The following SERINC5 variants were observed in gnomAD, a reference collection of about 807,000 sequenced individuals.
SERINC5 encodes chromosome 5 open reading frame 12.
A neutral mutation model predicts 63.1 loss-of-function variants in SERINC5; 41 were observed. The observed-to-expected ratio is 0.65, with a 90% CI of 0.51 to 0.84. The LOEUF is 0.84. Among genes scored for constraint, SERINC5 ranks in the 40% least tolerant of loss-of-function variants. SERINC5 has a pLI of 0.00. For synonymous variants in SERINC5, 222 were observed against 215.2 expected, an observed-to-expected ratio of 1.03 and a Z score of -0.28; for missense variants, 523 against 573.0, an observed-to-expected ratio of 0.91 and a Z score of 0.89.
At chr5:80,207,775 A>G (rs1289957318) in intron 1 of SERINC5, among the ~76,000 whole-genome samples, 2 of 152,280 alleles carry the variant, frequency 1.3e-5, no homozygotes, top group African/African-American at 4.8e-5. Context: ...GTGATTTATC[A>G]AAGTAAACTA....
At chr5:80,161,019 T>C (rs923464570) in intron 7 of SERINC5, among the ~76,000 whole-genome samples, 2 of 137,752 alleles carry the variant, frequency 1.5e-5, no homozygotes. Flanking sequence ...TATATACGTG[T>C]ATATATATAC....
chr5:80,174,972 T>C lies in SERINC5; in HGVS notation c.533A>G (p.His178Arg), dbSNP rs1238272749. 3.7e-6 allele frequency: 6 copies of C among 1,600,890 alleles called. No homozygotes were observed. Among genetic ancestry groups the C allele is most frequent in the East Asian group, 2.3e-5 (1 of 44,330 alleles). Residue 178 changes from histidine to arginine, a missense_variant, in exon 5 of 12, where the codon CAT becomes CGT. Transcript: ENST00000507668. The stretch of plus-strand genomic sequence containing the variant: ...CACACACCAGTTCTTGTTCCACTTA[T>C]GTGCAAACTCCACGAGCAGGAGGAG... The part of the protein sequence containing the change: ...IQLLLLVEFA[H>R]KWNKNWTAGT...
At chr5:80,170,653 A>G (rs1747588757) in intron 5 of SERINC5, among the ~76,000 whole-genome samples, 1 of 152,194 alleles carries the variant, frequency 6.6e-6, no homozygotes, top group Non-Finnish European at 1.5e-5. Context: ...AGGATGAAAA[A>G]AGTGGCTCTT....
At chr5:80,203,552 C>G (rs1286726037) in intron 1 of SERINC5, among the ~76,000 whole-genome samples, 1 of 151,924 alleles carries the variant, frequency 6.6e-6, no homozygotes, top group Non-Finnish European at 1.5e-5. Flanking sequence ...TGGCACAAAC[C>G]TGTAGTCCCA....
chr5:80,198,737 C>T (rs1749653943), intron 2 of SERINC5: 2 of 984,214 alleles, frequency 2.0e-6, no homozygotes, highest in Non-Finnish European at 1.2e-6. Context: ...CTTCTGTAGG[C>T]CACGAAACAA....
intron 2 of SERINC5, among the ~76,000 whole-genome samples, chr5:80,188,097 AGAT>A (rs1363963634): frequency 1.3e-5 from 2 of 151,998 alleles, no homozygotes; most frequent in African/African-American, 2.4e-5. Flanking sequence ...AGCCTGGCCA[AGAT>A]GGTGAAACCC....
At position 80,180,115 on chromosome 5, in the gene SERINC5, C is replaced by G. The variant is rs1033505676; in HGVS notation, c.196-2051G>C. On this transcript the variant is annotated intron_variant, in intron 2 of 11. Transcript: ENST00000507668. ...GTCTTAATCTTCTGATAAATGTTGA[C>G]AATAGCTTATTCTAGCCAAATTAGA... Among the ~76,000 whole-genome samples the G allele has an allele frequency of 1.1e-4, 17 of 152,076 alleles. 2 individuals carry two copies. The highest frequency in any genetic ancestry group is 8.3e-4 in the South Asian group (4 of 4,824).
intron 2 of SERINC5, among the ~76,000 whole-genome samples, chr5:80,199,000 C>A (rs1367347801): frequency 6.6e-6 from 1 of 152,206 alleles, no homozygotes; most frequent in African/African-American, 2.4e-5. Flanking sequence ...CCACCACTAC[C>A]TCTAGGCTCA....
At chr5:80,211,933 T>A (rs1190326647) in intron 1 of SERINC5, among the ~76,000 whole-genome samples, 1 of 152,204 alleles carries the variant, frequency 6.6e-6, no homozygotes, top group Non-Finnish European at 1.5e-5. Context: ...TGGGTCACAG[T>A]TTTTAGCTTC....
intron 1 of SERINC5, among the ~76,000 whole-genome samples, chr5:80,205,489 T>C (rs1479385006): frequency 6.6e-6 from 1 of 152,220 alleles, no homozygotes; most frequent in Non-Finnish European, 1.5e-5. Context: ...AGTATGTAAC[T>C]TGAAGCTCAA....
Position 80,139,276 on chromosome 5 carries a change from A to C in SERINC5, c.*4387T>G. ...ATCTTTAATAAAGGAAAACAAAACA[A>C]TCCTCTTAAATTTCTTATAAATAGC... On this transcript the variant is annotated 3_prime_UTR_variant, in exon 12 of 12. Coordinates refer to ENST00000507668, the MANE Select transcript of SERINC5 (RefSeq NM_001174072.3). 1 of 973,820 alleles carries C rather than the reference A, an allele frequency of 1.0e-6. No homozygotes were observed. The highest frequency in any genetic ancestry group is 4.8e-5 in the South Asian group (1 of 21,044). 60.3% of individuals were successfully genotyped at this position (973,820 alleles called of 1,614,324 possible). A position where few individuals can be genotyped will look rare whatever the true frequency, so the allele number is the denominator to read the frequency against.
chr5:80,178,495 T>C (rs11951586), intron 2 of SERINC5, among the ~76,000 whole-genome samples: 77,761 of 145,282 alleles, frequency 0.54, 21,140 homozygotes, highest in East Asian at 0.79. Flanking sequence ...CCCAATTAGC[T>C]GGGACTACAG....
intron 11 of SERINC5, among the ~76,000 whole-genome samples, chr5:80,121,060 T>C (rs772958843): frequency 1.2e-4 from 19 of 152,084 alleles, no homozygotes; most frequent in Non-Finnish European, 2.5e-4. Flanking sequence ...GCTAATTTTA[T>C]ATTTTTAGTA....
chr5:80,172,991 T>C (rs1043291699), intron 5 of SERINC5, among the ~76,000 whole-genome samples: 1 of 152,170 alleles, frequency 6.6e-6, no homozygotes, highest in African/African-American at 2.4e-5. Flanking sequence ...AAGGTCTAAC[T>C]GGTATCTCAA....
At chr5:80,138,581 G>T, downstream of SERINC5, 1 of 155,440 alleles carries the variant, frequency 6.4e-6, no homozygotes, top group Non-Finnish European at 1.4e-5. Context: ...GGGTGACAGA[G>T]CAAGACTCTG....
At position 80,225,171 on chromosome 5, in the gene SERINC5, C is replaced by G. The variant is rs115069814; in HGVS notation, c.28-22118G>C. On this transcript the variant is annotated intron_variant, in intron 1 of 11. Transcript: ENST00000507668. ...GCCCAGTCTGGTCTCAAACTCCTGA[C>G]TAACCCAAACACAACTTTTTGAGTA... Among the ~76,000 whole-genome samples the G allele has an allele frequency of 7.2e-3, 1,097 of 152,282 alleles. 15 individuals are homozygous for G. The highest frequency in any genetic ancestry group is 0.022 in the African/African-American group (913 of 41,562).
intron 1 of SERINC5, among the ~76,000 whole-genome samples, chr5:80,243,454 C>CAGT (rs1752035423): frequency 1.3e-5 from 2 of 151,984 alleles, no homozygotes; most frequent in Admixed American, 1.3e-4. Context: ...GAACTAGGAA[C>CAGT]AGTAGTGAGC....
intron 6 of SERINC5, among the ~76,000 whole-genome samples, chr5:80,168,916 A>G (rs1358496871): frequency 6.6e-6 from 1 of 152,178 alleles, no homozygotes; most frequent in Non-Finnish European, 1.5e-5. Flanking sequence ...CCCAGACCAC[A>G]CTGTCCACAG....
At position 80,143,078 on chromosome 5, in the gene SERINC5, C is replaced by T. The variant is rs897511254; in HGVS notation, c.*585G>A. The stretch of plus-strand genomic sequence containing the variant: ...AAGTCTGTGATTCCCAGCATCACAA[C>T]CTCAAAGGGAAACGTTTAGGGGCCG... On this transcript the variant is annotated 3_prime_UTR_variant, in exon 12 of 12. Transcript: ENST00000507668. 2 of 985,240 alleles carry T rather than the reference C, an allele frequency of 2.0e-6. No individual in the cohort carries two copies. The highest frequency in any genetic ancestry group is 2.4e-6 in the Non-Finnish European group (2 of 829,944). 61.0% of individuals were successfully genotyped at this position (985,240 alleles called of 1,614,324 possible).
Sources: allele counts gnomAD v4.1 joint callset (sites outside exome capture counted in the v4.1 genomes callset), GRCh38; gene constraint gnomAD v4.1.1; transcripts MANE v1.5; gene names NCBI Gene and HGNC (gene_info 2026-07-23, HGNC 2026-07-21).